The following ALK variants were observed in gnomAD, a reference collection of about 807,000 sequenced individuals.
ALK encodes the protein ALK tyrosine kinase receptor.
A neutral mutation model predicts 163.1 loss-of-function variants in ALK; 74 were observed. The ratio of observed to expected loss-of-function variants is 0.45; its 90% confidence interval spans 0.38 to 0.55. The LOEUF is 0.55. Among genes scored for constraint, ALK ranks in the 20% least tolerant of loss-of-function variants. The pLI is 0.00. For missense variants in ALK, 2,063 were observed against 2,105.3 expected (o/e 0.98, Z 0.39); for synonymous variants, 960 against 843.2 (o/e 1.14, Z -2.40).
At position 29,595,082 on chromosome 2, in the gene ALK, C is replaced by T. The variant is rs138696038; in HGVS notation, c.953-62966G>A. Among the ~76,000 whole-genome samples the T allele has an allele frequency of 7.2e-3, 1,103 of 152,252 alleles. 11 individuals are homozygous for T. Among genetic ancestry groups the T allele is most frequent in the African/African-American group, 0.025 (1,030 of 41,544 alleles). ...ATGAAAAGTGAAAATCAATCCTCCT[C>T]CCAGATGTCTTTTCATTGTGATGCC... On this transcript the variant is annotated intron_variant, in intron 3 of 28. Transcript: ENST00000389048.
intron 1 of ALK, among the ~76,000 whole-genome samples, chr2:29,729,505 G>A (rs547313284): frequency 2.6e-5 from 4 of 152,058 alleles, no homozygotes; most frequent in Admixed American, 2.0e-4. Context: ...CAAGTACCAC[G>A]GTAAAAAGGC....
intron 12 of ALK, among the ~76,000 whole-genome samples, chr2:29,241,047 A>G (rs899940816): frequency 1.3e-5 from 2 of 152,198 alleles, no homozygotes; most frequent in Non-Finnish European, 2.9e-5. Flanking sequence ...CGAACATGGC[A>G]GGCAAGGAAC....
At chr2:29,597,792 C>T (rs933380805) in intron 3 of ALK, among the ~76,000 whole-genome samples, 3 of 152,118 alleles carry the variant, frequency 2.0e-5, no homozygotes, top group Non-Finnish European at 2.9e-5. Flanking sequence ...AGGGAGGAGA[C>T]ACAGAATGGC....
chr2:29,347,137 T>C (rs1667972794), intron 5 of ALK, among the ~76,000 whole-genome samples: 1 of 152,156 alleles, frequency 6.6e-6, no homozygotes, highest in African/African-American at 2.4e-5. Flanking sequence ...CCCCCATTTA[T>C]AGATGAGAAA....
At chr2:29,482,130 T>G (rs925230320) in intron 4 of ALK, among the ~76,000 whole-genome samples, 1 of 152,148 alleles carries the variant, frequency 6.6e-6, no homozygotes, top group Admixed American at 6.6e-5. Context: ...AAGGCCTGGT[T>G]TGAGACCAGT....
At chr2:29,529,549 C>T (rs111911032) in intron 4 of ALK, among the ~76,000 whole-genome samples, 52 of 152,348 alleles carry the variant, frequency 3.4e-4, no homozygotes, top group African/African-American at 1.2e-3. Context: ...GGCAAATCTC[C>T]ATCCTTTGTG....
At chr2:29,833,913 T>C (rs1425233959) in intron 1 of ALK, among the ~76,000 whole-genome samples, 5 of 152,198 alleles carry the variant, frequency 3.3e-5, no homozygotes, top group African/African-American at 9.7e-5. Context: ...AGATCTCTTA[T>C]AGACTTTGAC....
intron 4 of ALK, among the ~76,000 whole-genome samples, chr2:29,396,589 G>A (rs996626980): frequency 1.3e-5 from 2 of 152,092 alleles, no homozygotes; most frequent in Admixed American, 6.5e-5. Flanking sequence ...CAGGAGAATC[G>A]CTTGAACCCA....
At chr2:29,566,162 G>A (rs1056024405) in intron 3 of ALK, among the ~76,000 whole-genome samples, 4 of 152,108 alleles carry the variant, frequency 2.6e-5, no homozygotes, top group Non-Finnish European at 4.4e-5. Flanking sequence ...CTTTATGAGC[G>A]GTCCAATTTA....
chr2:29,284,983 C>T (rs1314090185), intron 9 of ALK, among the ~76,000 whole-genome samples: 2 of 152,198 alleles, frequency 1.3e-5, no homozygotes, highest in East Asian at 3.9e-4. Flanking sequence ...ACCCTGCCAA[C>T]CTTAGGGATT....
rs779264722 is a variant in ALK at position 29,900,497 on chromosome 2, G to A, written c.667+19496C>T. Among the ~76,000 whole-genome samples, 7 of 152,172 alleles carry A rather than the reference G, an allele frequency of 4.6e-5. No individual in the cohort carries two copies. The East Asian group carries it at 9.6e-4, about 21-fold the overall frequency. On this transcript the variant is annotated intron_variant, in intron 1 of 28. Transcript: ENST00000389048. ...CCCCTATTTCCTAAATAGGCAAAAC[G>A]TAAGCACACTCATTTTTATTTTAAG... is the stretch of plus-strand genomic sequence containing the variant.
intron 1 of ALK, among the ~76,000 whole-genome samples, chr2:29,753,176 C>G (rs1161909492): frequency 6.6e-6 from 1 of 152,314 alleles, no homozygotes; most frequent in East Asian, 1.9e-4. Context: ...ATGTTCCCAG[C>G]ACTGAAGCAT....
At chr2:29,303,886 TG>T (rs1185358792) in intron 8 of ALK, among the ~76,000 whole-genome samples, 1 of 151,948 alleles carries the variant, frequency 6.6e-6, no homozygotes, top group Non-Finnish European at 1.5e-5. Context: ...CTCTAAAAGG[TG>T]GGAGAGTAGG....
rs143421953 is a variant in ALK, at chr2:29,732,153, A to G, written c.668-14456T>C. On this transcript the variant is annotated intron_variant, in intron 1 of 28. Transcript: ENST00000389048. ...CAATAAATCATTCACTAAGTGACTC[A>G]TAACCAAACCCAGCCTCATAGCATG... Among the ~76,000 whole-genome samples the G allele has an allele frequency of 3.6e-3, 547 of 152,374 alleles. 2 individuals carry two copies. The highest frequency in any genetic ancestry group is 0.013 in the African/African-American group (523 of 41,582).
chr2:29,605,135 C>G (rs1430221710), intron 3 of ALK, among the ~76,000 whole-genome samples: 1 of 152,172 alleles, frequency 6.6e-6, no homozygotes, highest in Non-Finnish European at 1.5e-5. Flanking sequence ...TCGTGGAAGA[C>G]AGTTTTTCCA....
At chr2:29,910,074 G>C (rs555410992) in intron 1 of ALK, among the ~76,000 whole-genome samples, 50 of 150,980 alleles carry the variant, frequency 3.3e-4, no homozygotes, top group African/African-American at 1.2e-3. Flanking sequence ...AGTAGACATA[G>C]AAATGATAGA....
intron 3 of ALK, among the ~76,000 whole-genome samples, chr2:29,677,843 A>G (rs887474741): frequency 1.3e-5 from 2 of 152,082 alleles, no homozygotes; most frequent in African/African-American, 4.8e-5. Flanking sequence ...TTCTAAAAGA[A>G]TATGTCAATA....
intron 1 of ALK, among the ~76,000 whole-genome samples, chr2:29,839,028 C>A (rs1455754628): frequency 6.6e-6 from 1 of 151,970 alleles, no homozygotes. Context: ...CTTTTACCAC[C>A]CAAAATGACT....
In ALK at chr2:29,322,000, C is replaced by G. The variant is rs560966004; in HGVS notation, c.1415-1118G>C. The stretch of plus-strand genomic sequence containing the variant: ...GAGGGAGAGAGCTCACTTTCTCCAG[C>G]TCACTCTGAGCATGGCTCCAGGAAA... On this transcript the variant is annotated intron_variant, in intron 6 of 28. Coordinates refer to ENST00000389048, the MANE Select transcript of ALK (RefSeq NM_004304.5). Among the ~76,000 whole-genome samples, 220 of 152,330 alleles carry G rather than the reference C, an allele frequency of 1.4e-3. 4 individuals carry two copies. Among genetic ancestry groups the G allele is most frequent in the Non-Finnish European group, 2.9e-4 (20 of 68,030 alleles).
Sources: allele counts gnomAD v4.1 joint callset (sites outside exome capture counted in the v4.1 genomes callset), GRCh38; gene constraint gnomAD v4.1.1; transcripts MANE v1.5; gene names NCBI Gene and HGNC (gene_info 2026-07-23, HGNC 2026-07-21).